Variants in BCL7C observed in about 807,000 individuals in gnomAD.
The protein encoded by BCL7C is BAF chromatin remodeling complex subunit BCL7C.
In BCL7C, 8 loss-of-function variants were observed where a neutral mutation model predicts 26.2. The ratio of observed to expected loss-of-function variants is 0.30; its 90% confidence interval spans 0.18 to 0.55. BCL7C has a LOEUF of 0.55. Among genes scored for constraint, BCL7C ranks in the 20% least tolerant of loss-of-function variants. BCL7C has a pLI of 0.93. For missense variants in BCL7C, 262 were observed against 298.5 expected, an observed-to-expected ratio of 0.88 and a Z score of 0.90; for synonymous variants, 90 against 116.5, an observed-to-expected ratio of 0.77 and a Z score of 1.47.
chr16:30,852,687 T>A (rs761332723), intron 5 of BCL7C, among the ~76,000 whole-genome samples: 3 of 151,962 alleles, frequency 2.0e-5, no homozygotes, highest in Non-Finnish European at 2.9e-5. Flanking sequence ...AGACGGGGTT[T>A]CACCATATTG....
chr16:30,870,051 C>T (rs2054869375), intron 5 of BCL7C, among the ~76,000 whole-genome samples: 2 of 152,320 alleles, frequency 1.3e-5, no homozygotes, highest in Non-Finnish European at 2.9e-5. Context: ...TATATCTCAC[C>T]TGTATCTCAA....
intron 5 of BCL7C, among the ~76,000 whole-genome samples, chr16:30,874,275 C>T (rs368050675): frequency 6.6e-6 from 1 of 151,940 alleles, no homozygotes; most frequent in East Asian, 2.0e-4. Context: ...GGATTACAGG[C>T]GTGAGCCACT....
chr16:30,864,176 T>C (rs1165264277), intron 5 of BCL7C, among the ~76,000 whole-genome samples: 1 of 152,172 alleles, frequency 6.6e-6, no homozygotes, highest in African/African-American at 2.4e-5. Context: ...TATTTTTAAA[T>C]GAAGAGTGTT....
At position 30,873,802 on chromosome 16, in the gene BCL7C, G is replaced by A. The variant is rs572255667; in HGVS notation, c.528+15058C>T. On this transcript the variant is annotated intron_variant, in intron 5 of 5. Coordinates refer to the BCL7C transcript ENST00000380317. ...GGAGGCGGAGGTTGCAGTGAGCCGAGATCGAGTCCCTGCACTCCATCCTGG... is the reference window on the plus strand; with the variant it reads ...GGAGGCGGAGGTTGCAGTGAGCCGAAATCGAGTCCCTGCACTCCATCCTGG... 5.1e-4 allele frequency among the ~76,000 whole-genome samples: 73 copies of A among 144,442 alleles called. 1 individual carries two copies. Among genetic ancestry groups the A allele is most frequent in the African/African-American group, 1.7e-3 (67 of 38,858 alleles). The allele number at this position is 144,442 out of a possible 152,430, so 94.8% of individuals were successfully genotyped here.
At chr16:30,870,184 C>T (rs1293579133) in intron 5 of BCL7C, among the ~76,000 whole-genome samples, 1 of 152,172 alleles carries the variant, frequency 6.6e-6, no homozygotes, top group African/African-American at 2.4e-5. Flanking sequence ...AACTCCAAGC[C>T]CCTCAGCCCA....
chr16:30,872,528 G>A (rs55676522), intron 5 of BCL7C, among the ~76,000 whole-genome samples: 4,205 of 152,310 alleles, frequency 0.028, 86 homozygotes, highest in Non-Finnish European at 0.045. Context: ...GCGGTGTGCC[G>A]TTGAGAGAGG....
downstream of BCL7C, among the ~76,000 whole-genome samples, chr16:30,886,252 T>G (rs1378640421): frequency 1.3e-5 from 2 of 151,924 alleles, no homozygotes; most frequent in African/African-American, 4.8e-5. Flanking sequence ...AGGCACAGAG[T>G]GAGAGGGCCT....
chr16:30,864,060 C>T (rs1026593433), intron 5 of BCL7C, among the ~76,000 whole-genome samples: 1 of 152,190 alleles, frequency 6.6e-6, no homozygotes, highest in African/African-American at 2.4e-5. Context: ...CTCTCCTAGC[C>T]GTTTCTAATC....
chr16:30,885,548 C>G (rs565623014), downstream of BCL7C, among the ~76,000 whole-genome samples: 2 of 151,790 alleles, frequency 1.3e-5, no homozygotes, highest in East Asian at 3.9e-4. Flanking sequence ...GGATTACAGG[C>G]GCCCGCCACT....
intron 5 of BCL7C, among the ~76,000 whole-genome samples, chr16:30,857,972 C>CAAA (rs58563705): frequency 4.3e-5 from 5 of 115,986 alleles, no homozygotes; most frequent in Non-Finnish European, 7.2e-5. Context: ...ACTCCAACTC[C>CAAA]AAAAAAAAAA....
At chr16:30,873,486 T>A (rs900547835) in intron 5 of BCL7C, among the ~76,000 whole-genome samples, 1 of 152,170 alleles carries the variant, frequency 6.6e-6, no homozygotes, top group African/African-American at 2.4e-5. Context: ...ATCATTGAAC[T>A]GTACACTTTA....
At chr16:30,874,094 C>T (rs1054403059) in intron 5 of BCL7C, among the ~76,000 whole-genome samples, 6 of 149,822 alleles carry the variant, frequency 4.0e-5, no homozygotes, top group Admixed American at 3.3e-4. Context: ...CTCCCGGGTT[C>T]AAGGGATTCT....
intron 5 of BCL7C, among the ~76,000 whole-genome samples, chr16:30,843,093 G>A (rs1046655601): frequency 3.3e-5 from 5 of 152,216 alleles, no homozygotes. Context: ...CGTTAGTATA[G>A]GTCTGTACTT....
At chr16:30,857,013 G>A (rs1248153869) in intron 5 of BCL7C, among the ~76,000 whole-genome samples, 4 of 152,128 alleles carry the variant, frequency 2.6e-5, no homozygotes, top group Non-Finnish European at 4.4e-5. Context: ...AGTTGTCACT[G>A]CCTGTTTTTG....
Position 30,892,705 on chromosome 16 carries a change from T to C in BCL7C, c.323A>G (p.Gln108Arg). The C allele has an allele frequency of 6.2e-7, 1 of 1,614,156 alleles. No homozygotes were observed. The highest frequency in any genetic ancestry group is 2.2e-5 in the East Asian group (1 of 44,878). ...NQSFHSEGSLQKGTEPSPGGT... is the reference protein window; with the variant it reads ...NQSFHSEGSLRKGTEPSPGGT... ...CCCAGGACTGGGCTCTGTGCCCTTT[T>C]GCAGGGAACCTTCCGAATGGAAACT... Residue 108 changes from glutamine to arginine, a missense_variant, in exon 4 of 6, where the codon CAA becomes CGA. Transcript: ENST00000215115.
At chr16:30,839,303 G>C (rs1214935689) in intron 5 of BCL7C, among the ~76,000 whole-genome samples, 1 of 152,192 alleles carries the variant, frequency 6.6e-6, no homozygotes, top group Non-Finnish European at 1.5e-5. Context: ...ACCTGTGGCA[G>C]AGAGGAACTG....
chr16:30,842,718 G>T (rs893160923), intron 5 of BCL7C, among the ~76,000 whole-genome samples: 1 of 152,090 alleles, frequency 6.6e-6, no homozygotes. Flanking sequence ...ACTGGCGCCC[G>T]CCACCGCTCC....
At chr16:30,856,060 TAAAAAAAA>T (rs758984617) in intron 5 of BCL7C, among the ~76,000 whole-genome samples, 1 of 97,414 alleles carries the variant, frequency 1.0e-5, no homozygotes, top group Admixed American at 1.1e-4. Context: ...AGACTCCATC[TAAAAAAAA>T]AAAAAAAAAA....
chr16:30,855,391 C>T (rs2054711223), intron 5 of BCL7C, among the ~76,000 whole-genome samples: 1 of 151,988 alleles, frequency 6.6e-6, no homozygotes, highest in Non-Finnish European at 1.5e-5. Flanking sequence ...GGCGTGTGCC[C>T]ACCACCACAC....
Sources: allele counts gnomAD v4.1 joint callset (sites outside exome capture counted in the v4.1 genomes callset), GRCh38; gene constraint gnomAD v4.1.1; transcripts MANE v1.5; gene names NCBI Gene and HGNC (gene_info 2026-07-23, HGNC 2026-07-21).